Variants in PAMR1 observed in about 807,000 individuals in gnomAD.
PAMR1 encodes the protein peptidase domain containing associated with muscle regeneration 1.
In PAMR1, 88 loss-of-function variants were observed where a neutral mutation model predicts 81.8. The observed-to-expected ratio is 1.08, with a 90% confidence interval of 0.91 to 1.28. PAMR1 has a LOEUF of 1.28. Ranked by LOEUF, PAMR1 falls within the 50% of genes most tolerant of loss-of-function variation. The probability of loss-of-function intolerance (pLI) is 0.00; values close to 1 mark genes in which losing one functional copy is unlikely to be tolerated. For synonymous variants in PAMR1, 336 were observed against 345.3 expected, an observed-to-expected ratio of 0.97 and a Z score of 0.30; for missense variants, 935 against 919.7, an observed-to-expected ratio of 1.02 and a Z score of -0.21.
intron 6 of PAMR1, among the ~76,000 whole-genome samples, chr11:35,458,071 C>T (rs1677270436): frequency 6.6e-6 from 1 of 152,152 alleles, no homozygotes; most frequent in Non-Finnish European, 1.5e-5. Flanking sequence ...TAAACATAAT[C>T]AAGTCCAGCT....
chr11:35,450,045 C>T (rs1303091882), intron 6 of PAMR1, among the ~76,000 whole-genome samples: 2 of 148,572 alleles, frequency 1.3e-5, no homozygotes, highest in Admixed American at 1.4e-4. Flanking sequence ...GCCATCTTGG[C>T]CCCCACAATT....
chr11:35,478,635 G>C (rs545401355), intron 3 of PAMR1, among the ~76,000 whole-genome samples: 1 of 152,310 alleles, frequency 6.6e-6, no homozygotes, highest in South Asian at 2.1e-4. Context: ...GAGGCTGGGT[G>C]CAGGGGCAGC....
intron 1 of PAMR1, among the ~76,000 whole-genome samples, chr11:35,500,939 G>A (rs1432464967): frequency 6.6e-6 from 1 of 152,140 alleles, no homozygotes; most frequent in Non-Finnish European, 1.5e-5. Flanking sequence ...AACAGAGCTT[G>A]CAGGACTGGA....
At chr11:35,486,385 T>C (rs2135394296) in intron 3 of PAMR1, among the ~76,000 whole-genome samples, 1 of 152,370 alleles carries the variant, frequency 6.6e-6, no homozygotes, top group Non-Finnish European at 1.5e-5. Flanking sequence ...AAAAATCTCC[T>C]CTCTAAAGCG....
At chr11:35,479,108 T>C (rs940618694) in intron 3 of PAMR1, among the ~76,000 whole-genome samples, 1 of 152,188 alleles carries the variant, frequency 6.6e-6, no homozygotes, top group African/African-American at 2.4e-5. Context: ...CAGCATTTGG[T>C]GCAGGGGAGG....
chr11:35,511,648 A>T (rs1436671765), intron 1 of PAMR1, among the ~76,000 whole-genome samples: 1 of 152,214 alleles, frequency 6.6e-6, no homozygotes, highest in Non-Finnish European at 1.5e-5. Flanking sequence ...TCTGAATTCT[A>T]TAAACTTTCT....
intron 3 of PAMR1, among the ~76,000 whole-genome samples, chr11:35,486,463 C>A (rs2135394348): frequency 6.6e-6 from 1 of 152,342 alleles, no homozygotes; most frequent in South Asian, 2.1e-4. Flanking sequence ...CTAGAAGCAT[C>A]CATTCAAGAA....
At chr11:35,432,931 A>G in intron 10 of PAMR1, 39 bp from the exon 11 acceptor site, 1 of 1,513,054 alleles carries the variant, frequency 6.6e-7, no homozygotes, top group Non-Finnish European at 8.9e-7. Context: ...GTGAGGAGCC[A>G]GCTCCACAGT....
At chr11:35,526,751 A>G (rs1479130925), upstream of PAMR1, among the ~76,000 whole-genome samples, 1 of 152,176 alleles carries the variant, frequency 6.6e-6, no homozygotes, top group Non-Finnish European at 1.5e-5. Flanking sequence ...GTATTTCACC[A>G]TTTGATATGG....
At chr11:35,439,579 G>A (rs751494146) in intron 8 of PAMR1, 48 bp downstream of exon 8, 1 of 1,450,862 alleles carries the variant, frequency 6.9e-7, no homozygotes, top group South Asian at 1.1e-5. Flanking sequence ...AATGGAAGGG[G>A]AAATACTCAT....
Position 35,447,454 on chromosome 11 carries a change from C to T in PAMR1, c.821-5761G>A, listed in dbSNP as rs538720681. Among the ~76,000 whole-genome samples the T allele has an allele frequency of 3.3e-5, 5 of 152,214 alleles. No homozygotes were observed. The South Asian group carries it at 6.2e-4, about 19-fold the overall frequency. ...TCCTGACCTCATGATCTGTCCGCCT[C>T]GGCCTCCCAAAGTCCTGGGGTTACA... is the stretch of plus-strand genomic sequence containing the variant. On this transcript the variant is annotated intron_variant, in intron 6 of 10. Coordinates refer to ENST00000619888, the MANE Select transcript of PAMR1 (RefSeq NM_001001991.3).
intron 1 of PAMR1, among the ~76,000 whole-genome samples, chr11:35,496,434 GT>G (rs1850727663): frequency 6.6e-6 from 1 of 152,096 alleles, no homozygotes; most frequent in Non-Finnish European, 1.5e-5. Flanking sequence ...AGACAACATA[GT>G]TTTTTAAATG....
At chr11:35,506,129 C>A (rs1267496250) in intron 1 of PAMR1, among the ~76,000 whole-genome samples, 3 of 121,848 alleles carry the variant, frequency 2.5e-5, no homozygotes, top group Admixed American at 8.4e-5. Context: ...AAAAAAAAAA[C>A]AGGAAGAAAG....
chr11:35,437,695 G>T (rs149651924), intron 8 of PAMR1, among the ~76,000 whole-genome samples: 1 of 152,206 alleles, frequency 6.6e-6, no homozygotes, highest in African/African-American at 2.4e-5. Context: ...TGAGAAACCC[G>T]GCACTTTGCC....
intron 6 of PAMR1, among the ~76,000 whole-genome samples, chr11:35,459,085 A>G (rs1332612607): frequency 6.6e-6 from 1 of 152,156 alleles, no homozygotes; most frequent in Non-Finnish European, 1.5e-5. Flanking sequence ...TCTATGTGAA[A>G]TTATGCTTGG....
chr11:35,482,943 C>T (rs1377154898), intron 3 of PAMR1, among the ~76,000 whole-genome samples: 1 of 152,128 alleles, frequency 6.6e-6, no homozygotes, highest in East Asian at 1.9e-4. Flanking sequence ...TCTTTTAGTG[C>T]ATTTATTTTA....
intron 6 of PAMR1, among the ~76,000 whole-genome samples, chr11:35,449,775 CCA>C (rs1302887244): frequency 6.6e-5 from 10 of 152,158 alleles, no homozygotes; most frequent in Non-Finnish European, 1.3e-4. Flanking sequence ...TTGCACAGAT[CCA>C]TGGCAAAATT....
chr11:35,503,241 C>A (rs1850887463), intron 1 of PAMR1, among the ~76,000 whole-genome samples: 1 of 149,422 alleles, frequency 6.7e-6, no homozygotes, highest in South Asian at 2.1e-4. Flanking sequence ...GTTACTACAG[C>A]TTTGTAGTGT....
At chr11:35,463,546 T>C (rs139867033) in intron 6 of PAMR1, among the ~76,000 whole-genome samples, 4 of 152,356 alleles carry the variant, frequency 2.6e-5, no homozygotes, top group African/African-American at 9.6e-5. Flanking sequence ...ATTTTGTTGT[T>C]GTGTTCCATA....
Sources: allele counts gnomAD v4.1 joint callset (sites outside exome capture counted in the v4.1 genomes callset), GRCh38; gene constraint gnomAD v4.1.1; transcripts MANE v1.5; gene names NCBI Gene and HGNC (gene_info 2026-07-23, HGNC 2026-07-21).